The following UNC13C variants were observed in gnomAD, a reference collection of about 807,000 sequenced individuals.
UNC13C encodes the protein unc-13 homolog C.
Under a neutral mutation model 245.4 loss-of-function variants are expected in UNC13C, and 174 were observed. The ratio of observed to expected loss-of-function variants is 0.71; its 90% CI spans 0.63 to 0.80. The LOEUF (loss-of-function observed/expected upper bound fraction) is 0.80. Among genes scored for constraint, UNC13C ranks in the 30% least tolerant of loss-of-function variants. The pLI, the probability that UNC13C is intolerant of heterozygous loss-of-function variation, is 0.00. For missense variants in UNC13C, 2,829 were observed against 2,602.9 expected (o/e 1.09, Z -1.89); for synonymous variants, 992 against 895.1 (o/e 1.11, Z -1.93).
At chr15:54,202,190 A>G (rs1474386762) in intron 4 of UNC13C, among the ~76,000 whole-genome samples, 1 of 152,090 alleles carries the variant, frequency 6.6e-6, no homozygotes, top group African/African-American at 2.4e-5. Context: ...AAATGGAAAC[A>G]CATCTCATGC....
intron 4 of UNC13C, among the ~76,000 whole-genome samples, chr15:54,168,373 T>C (rs993747944): frequency 1.3e-5 from 2 of 152,198 alleles, no homozygotes; most frequent in Non-Finnish European, 2.9e-5. Context: ...AGTTATGCAA[T>C]GTGTAATTTT....
At chr15:54,222,720 G>A (rs938173906) in intron 4 of UNC13C, among the ~76,000 whole-genome samples, 3 of 152,052 alleles carry the variant, frequency 2.0e-5, no homozygotes, top group Admixed American at 2.0e-4. Flanking sequence ...CAGTGAACAA[G>A]GATTCCCTTC....
chr15:53,950,127 A>T, the UNC13C span, among the ~76,000 whole-genome samples: 1 of 152,194 alleles, frequency 6.6e-6, no homozygotes, highest in Non-Finnish European at 1.5e-5. Context: ...CAGGCAACTG[A>T]AAGAGGCATC....
chr15:54,438,962 T>A (rs150735222), intron 19 of UNC13C, among the ~76,000 whole-genome samples: 57 of 152,064 alleles, frequency 3.7e-4, no homozygotes, highest in African/African-American at 1.3e-3. Context: ...ATTTAATGGG[T>A]TTTAGAAGTT....
chr15:54,188,844 A>G (rs1200940727), intron 4 of UNC13C, among the ~76,000 whole-genome samples: 2 of 152,218 alleles, frequency 1.3e-5, no homozygotes, highest in East Asian at 1.9e-4. Flanking sequence ...AGGGGCAATC[A>G]CTAATGCTTA....
chr15:54,421,382 C>T (rs1339360761), intron 19 of UNC13C, among the ~76,000 whole-genome samples: 1 of 151,988 alleles, frequency 6.6e-6, no homozygotes, highest in African/African-American at 2.4e-5. Flanking sequence ...GATATGTATA[C>T]AAATGCCCTA....
intron 2 of UNC13C, chr15:54,050,834 T>C (rs562027513): frequency 3.4e-6 from 2 of 582,170 alleles, no homozygotes; most frequent in South Asian, 2.7e-5. Context: ...GCTTACTAAT[T>C]CTTGATGCTT....
At position 54,338,137 on chromosome 15, in the gene UNC13C, G is replaced by A. The variant is rs536013675; in HGVS notation, c.4585-224G>A. On this transcript the variant is annotated intron_variant, in intron 16 of 32. Transcript: ENST00000260323. ...AATGCATGAAGTACTAACTGGTCAC[G>A]TTAAGTGTTTTTATTTGAGTGTTTA... Among the ~76,000 whole-genome samples the A allele has an allele frequency of 5.9e-5, 9 of 152,150 alleles. No homozygotes were observed. The South Asian group carries it at 1.0e-3, about 18-fold the overall frequency.
chr15:54,096,794 C>T (rs1328523850), intron 2 of UNC13C, among the ~76,000 whole-genome samples: 2 of 151,888 alleles, frequency 1.3e-5, no homozygotes, highest in Admixed American at 6.6e-5. Flanking sequence ...TAAGAGAGAT[C>T]TAGGGAAAAA....
intron 30 of UNC13C, among the ~76,000 whole-genome samples, chr15:54,592,547 C>T (rs1898847527): frequency 6.6e-6 from 1 of 152,144 alleles, no homozygotes; most frequent in African/African-American, 2.4e-5. Flanking sequence ...CCATTCTATA[C>T]TGTCCCTTTT....
chr15:53,983,750 C>A (rs962532955), intron 1 of UNC13C, among the ~76,000 whole-genome samples: 1 of 151,604 alleles, frequency 6.6e-6, no homozygotes, highest in South Asian at 2.1e-4. Context: ...TCTTCAGTAG[C>A]CTCTGTTACC....
intron 19 of UNC13C, among the ~76,000 whole-genome samples, chr15:54,489,387 A>G (rs1412266854): frequency 6.6e-6 from 1 of 152,170 alleles, no homozygotes; most frequent in Non-Finnish European, 1.5e-5. Context: ...AAATTTGATT[A>G]ACTGGTTTTC....
intron 30 of UNC13C, among the ~76,000 whole-genome samples, chr15:54,598,988 A>G (rs1443069723): frequency 1.3e-5 from 2 of 152,190 alleles, no homozygotes; most frequent in East Asian, 1.9e-4. Flanking sequence ...GTAAAATAAT[A>G]TAATAAAAAG....
chr15:54,048,909 G>T, intron 2 of UNC13C: 1 of 264,500 alleles, frequency 3.8e-6, no homozygotes, highest in Non-Finnish European at 7.6e-6. Context: ...AACCATATTG[G>T]AATAATACCA....
intron 4 of UNC13C, among the ~76,000 whole-genome samples, chr15:54,168,390 A>G (rs1207840211): frequency 6.6e-6 from 1 of 152,178 alleles, no homozygotes; most frequent in East Asian, 1.9e-4. Context: ...TTTTATGTTT[A>G]CATTCATTGT....
intron 2 of UNC13C, among the ~76,000 whole-genome samples, chr15:54,025,879 A>G (rs1896089111): frequency 6.6e-6 from 1 of 152,208 alleles, no homozygotes; most frequent in South Asian, 2.1e-4. Context: ...AATCATGGCA[A>G]CAAGAAATGA....
chr15:54,455,935 C>T (rs1167323241), intron 19 of UNC13C, among the ~76,000 whole-genome samples: 3 of 152,082 alleles, frequency 2.0e-5, no homozygotes, highest in African/African-American at 7.2e-5. Flanking sequence ...TGGTCATGAA[C>T]TCTTTGTTCG....
intron 28 of UNC13C, among the ~76,000 whole-genome samples, chr15:54,550,207 A>C (rs569800261): frequency 6.6e-6 from 1 of 152,266 alleles, no homozygotes; most frequent in African/African-American, 2.4e-5. Context: ...TTCCATTTCT[A>C]CCTACTAGAA....
chr15:54,224,893 T>TA (rs1406817658), intron 4 of UNC13C, among the ~76,000 whole-genome samples: 1 of 152,120 alleles, frequency 6.6e-6, no homozygotes, highest in Non-Finnish European at 1.5e-5. Flanking sequence ...ATGTGTTTAG[T>TA]AATTTATTAA....
Sources: allele counts gnomAD v4.1 joint callset (sites outside exome capture counted in the v4.1 genomes callset), GRCh38; gene constraint gnomAD v4.1.1; transcripts MANE v1.5; gene names NCBI Gene and HGNC (gene_info 2026-07-23, HGNC 2026-07-21).